ANKS1B: variants seen among roughly 807,000 people sequenced by gnomAD.
ANKS1B encodes ankyrin repeat and sterile alpha motif domain containing 1B.
Under a neutral mutation model 148.3 loss-of-function variants are expected in ANKS1B, and 36 were observed. The ratio of observed to expected loss-of-function variants is 0.24; its 90% CI spans 0.19 to 0.32. The LOEUF (loss-of-function observed/expected upper bound fraction) is 0.32. Among genes scored for constraint, ANKS1B ranks in the 10% least tolerant of loss-of-function variants. ANKS1B has a pLI of 1.00. For missense variants in ANKS1B, 1,157 were observed against 1,542.6 expected (o/e 0.75, Z 4.19); for synonymous variants, 542 against 560.8 (o/e 0.97, Z 0.47).
chr12:99,534,524 T>G (rs142018753), intron 9 of ANKS1B, among the ~76,000 whole-genome samples: 2 of 152,316 alleles, frequency 1.3e-5, no homozygotes, highest in East Asian at 1.9e-4. Flanking sequence ...TTTGGTTAAT[T>G]AATATACATT....
chr12:99,030,580 T>C (rs572828156), intron 17 of ANKS1B, among the ~76,000 whole-genome samples: 374 of 152,302 alleles, frequency 2.5e-3, no homozygotes, highest in African/African-American at 8.5e-3. Context: ...TCCAGTAAGA[T>C]ACTCCTGATC....
chr12:99,439,923 T>C (rs796257111), intron 11 of ANKS1B, among the ~76,000 whole-genome samples: 25 of 151,916 alleles, frequency 1.6e-4, no homozygotes, highest in African/African-American at 5.5e-4. Flanking sequence ...GAACAAATTG[T>C]AATATACCAT....
At chr12:99,490,676 T>C (rs1223166851) in intron 10 of ANKS1B, among the ~76,000 whole-genome samples, 1 of 152,200 alleles carries the variant, frequency 6.6e-6, no homozygotes, top group Non-Finnish European at 1.5e-5. Flanking sequence ...AAATCTAGAA[T>C]ACAATATAAT....
intron 9 of ANKS1B, among the ~76,000 whole-genome samples, chr12:99,511,670 G>A (rs982080609): frequency 2.6e-5 from 4 of 151,982 alleles, no homozygotes; most frequent in Non-Finnish European, 5.9e-5. Flanking sequence ...CTATACTCAA[G>A]GCTATAGTAA....
chr12:99,213,569 T>C (rs1040984556), intron 14 of ANKS1B, among the ~76,000 whole-genome samples: 1 of 152,190 alleles, frequency 6.6e-6, no homozygotes, highest in Non-Finnish European at 1.5e-5. Context: ...AGCCTTGAGG[T>C]CCATAATGGG....
chr12:98,764,617 A>G (rs1424041981), intron 25 of ANKS1B, among the ~76,000 whole-genome samples: 1 of 152,238 alleles, frequency 6.6e-6, no homozygotes, highest in Non-Finnish European at 1.5e-5. Context: ...ATCTTTCTCA[A>G]ATGGATATGC....
At chr12:99,768,269 T>A (rs2062840981) in intron 8 of ANKS1B, among the ~76,000 whole-genome samples, 1 of 152,234 alleles carries the variant, frequency 6.6e-6, no homozygotes, top group Non-Finnish European at 1.5e-5. Flanking sequence ...TAACCAGTAA[T>A]ATAAATAACA....
At chr12:99,648,415 A>C (rs758762072) in intron 9 of ANKS1B, 2 of 1,614,184 alleles carry the variant, frequency 1.2e-6, no homozygotes, top group South Asian at 1.1e-5. Flanking sequence ...CCCCTGCCTC[A>C]CACTACCTGA....
chr12:99,292,509 C>A (rs2080156477), intron 12 of ANKS1B, among the ~76,000 whole-genome samples: 1 of 138,296 alleles, frequency 7.2e-6, no homozygotes, highest in African/African-American at 3.0e-5. Context: ...AGCAAGACTC[C>A]ATCTCAAAAA....
At chr12:98,980,711 G>T (rs1404566211) in intron 17 of ANKS1B, among the ~76,000 whole-genome samples, 1 of 151,914 alleles carries the variant, frequency 6.6e-6, no homozygotes, top group Non-Finnish European at 1.5e-5. Flanking sequence ...TTTGGTTTTG[G>T]CAGGAAGCCA....
At chr12:99,880,780 A>C (rs1264284424) in intron 1 of ANKS1B, among the ~76,000 whole-genome samples, 3 of 152,218 alleles carry the variant, frequency 2.0e-5, no homozygotes, top group Non-Finnish European at 4.4e-5. Flanking sequence ...AGATTTGTGA[A>C]ACTGAAAACT....
chr12:99,195,857 TTTA>T (rs1444343734), intron 14 of ANKS1B, among the ~76,000 whole-genome samples: 3 of 152,092 alleles, frequency 2.0e-5, no homozygotes, highest in African/African-American at 7.2e-5. Context: ...TTATCGAGCA[TTTA>T]TTGAGAGGTG....
At chr12:99,887,740 G>A (rs927511726) in intron 1 of ANKS1B, among the ~76,000 whole-genome samples, 6 of 152,166 alleles carry the variant, frequency 3.9e-5, no homozygotes, top group African/African-American at 1.4e-4. Context: ...ACAATGAATA[G>A]CCACTTGATG....
intron 10 of ANKS1B, among the ~76,000 whole-genome samples, chr12:99,472,433 C>G (rs539648585): frequency 6.6e-6 from 1 of 152,106 alleles, no homozygotes; most frequent in Admixed American, 6.6e-5. Flanking sequence ...CACTCTCAGA[C>G]CTAAGTATAG....
chr12:99,363,365 A>G (rs747917147), intron 12 of ANKS1B, among the ~76,000 whole-genome samples: 1 of 152,184 alleles, frequency 6.6e-6, no homozygotes, highest in Non-Finnish European at 1.5e-5. Context: ...TTATTTTACC[A>G]TTGACTTAAG....
At chr12:99,250,026 G>A (rs967044221) in intron 12 of ANKS1B, among the ~76,000 whole-genome samples, 1 of 152,228 alleles carries the variant, frequency 6.6e-6, no homozygotes, top group African/African-American at 2.4e-5. Flanking sequence ...CGAGAGGCAT[G>A]CCACATTATA....
intron 5 of ANKS1B, among the ~76,000 whole-genome samples, chr12:99,780,507 A>C (rs535847168): frequency 1.4e-4 from 21 of 151,650 alleles, no homozygotes; most frequent in East Asian, 1.4e-3. Flanking sequence ...TGGTCTCGAT[A>C]TCCTGACCTC....
intron 2 of ANKS1B, among the ~76,000 whole-genome samples, chr12:99,819,493 C>T (rs1403101668): frequency 6.6e-6 from 1 of 151,136 alleles, no homozygotes; most frequent in East Asian, 1.9e-4. Context: ...ATTTGATACG[C>T]AATCTGGATT....
intron 12 of ANKS1B, among the ~76,000 whole-genome samples, chr12:99,302,425 T>C (rs1439744355): frequency 6.6e-6 from 1 of 152,120 alleles, no homozygotes; most frequent in Non-Finnish European, 1.5e-5. Flanking sequence ...TTTATTTAGC[T>C]ACTAATGTCA....
Sources: gnomAD v4.1 joint callset for allele counts (sites outside exome capture counted in the v4.1 genomes callset) on GRCh38, gnomAD v4.1.1 for gene constraint, MANE v1.5 for transcripts, NCBI Gene and HGNC (gene_info 2026-07-23, HGNC 2026-07-21) for gene names.